The following CTTNBP2 variants were observed in gnomAD, a reference collection of about 807,000 sequenced individuals.
CTTNBP2 encodes cortactin-binding protein 2.
CTTNBP2 carries 108 observed loss-of-function variants against 156.9 expected under a neutral mutation model. The observed-to-expected ratio is 0.69, with a 90% CI of 0.59 to 0.81. CTTNBP2 has a LOEUF of 0.81. CTTNBP2 is among the 30% of genes least tolerant of loss of function. The pLI is 0.00. For missense variants in CTTNBP2, 1,924 were observed against 2,035.4 expected (o/e 0.95, Z 1.05); for synonymous variants, 767 against 751.8 (o/e 1.02, Z -0.33).
In CTTNBP2 at chr7:117,760,680, A is replaced by G; in HGVS notation, c.2927T>C (p.Val976Ala). The change falls in exon 10 of 23, where the codon GTG (valine) becomes GCG (alanine). Residue 976 changes from valine (V) to alanine (A), a missense_variant. Val to Ala is a moderately conservative substitution (Grantham distance 64). Transcript: ENST00000160373. ...ATAGTTGCTTGGTTCAATCTCACCCACTGAAATCCTTAAGGGTATTTTAAG... is the reference window on the plus strand; with the variant it reads ...ATAGTTGCTTGGTTCAATCTCACCCGCTGAAATCCTTAAGGGTATTTTAAG... ...NALKIPLRIS[V>A]GEIEPSNYGS... The G allele has an allele frequency of 6.2e-7, 1 of 1,612,832 alleles. No homozygotes were observed. The highest frequency in any genetic ancestry group is 8.5e-7 in the Non-Finnish European group (1 of 1,178,996).
chr7:117,817,333 CAAAAA>C (rs1165563266), intron 2 of CTTNBP2, among the ~76,000 whole-genome samples: 2,543 of 27,246 alleles, frequency 0.093, 631 homozygotes, highest in Middle Eastern at 0.27. Flanking sequence ...GACTCCATCT[CAAAAA>C]AAAAAAAAAA....
chr7:117,873,240 C>CA, intron 1 of CTTNBP2, 95 bp downstream of exon 1: 1 of 987,098 alleles, frequency 1.0e-6, no homozygotes, highest in East Asian at 3.4e-5. Flanking sequence ...TTACGGAACG[C>CA]CCCGGGGGTG....
rs781577105 is a variant in CTTNBP2 at position 117,721,162 on chromosome 7, CATT to C, written c.4448-35_4448-33del. The C allele has an allele frequency of 2.4e-6, 3 of 1,256,190 alleles. No individual in the cohort carries two copies. In the Admixed American group the frequency reaches 5.1e-5, roughly 21 times the overall value. 77.8% of individuals were successfully genotyped at this position (1,256,190 alleles called of 1,614,324 possible). A position where few individuals can be genotyped will look rare whatever the true frequency, so the allele number is the denominator to read the frequency against. ...AAAAAGAGAACCATTTTCAATAGATCATTATCCCTGTGCCTCTTGAATTCTGTA... is the reference window on the plus strand; with the variant it reads ...AAAAAGAGAACCATTTTCAATAGATCATCCCTGTGCCTCTTGAATTCTGTA... On this transcript the variant is annotated intron_variant, in intron 19 of 22. Transcript: ENST00000160373.
rs748483230 is a variant in CTTNBP2, at chr7:117,745,981, A to G, written c.3435+32T>C. 57 of 1,611,860 alleles carry G rather than the reference A, an allele frequency of 3.5e-5. 3 individuals are homozygous for G. The South Asian group carries it at 6.0e-4, about 17-fold the overall frequency. On this transcript the variant is annotated intron_variant, in intron 13 of 22. Transcript: ENST00000160373. ...GTTCTACGCACTTGCCAATTTTCAA[A>G]GAAAAGCAGCTGATATACAAGTAAT... is the stretch of plus-strand genomic sequence containing the variant.
chr7:117,866,892 C>T (rs1804236839), intron 1 of CTTNBP2, among the ~76,000 whole-genome samples: 1 of 152,008 alleles, frequency 6.6e-6, no homozygotes, highest in African/African-American at 2.4e-5. Context: ...TAGTGCATGC[C>T]AATAATAATG....
chr7:117,851,995 C>A (rs1009404467), intron 2 of CTTNBP2, among the ~76,000 whole-genome samples: 4 of 152,118 alleles, frequency 2.6e-5, no homozygotes. Context: ...TAATCTAAAA[C>A]TAGATTCTGT....
At chr7:117,756,470 C>G (rs1403929758) in intron 12 of CTTNBP2, 85 bp downstream of exon 12, 27 of 1,029,516 alleles carry the variant, frequency 2.6e-5, no homozygotes, top group Non-Finnish European at 4.0e-5. Flanking sequence ...GCTTGCACTC[C>G]TCCTTTAAAC....
intron 1 of CTTNBP2, among the ~76,000 whole-genome samples, chr7:117,865,082 G>A (rs1472652814): frequency 1.3e-5 from 2 of 150,800 alleles, no homozygotes; most frequent in East Asian, 1.9e-4. Flanking sequence ...AGAGCCAAAC[G>A]AACTATTTTA....
At chr7:117,770,796 G>C (rs1797758542) in intron 8 of CTTNBP2, among the ~76,000 whole-genome samples, 1 of 152,122 alleles carries the variant, frequency 6.6e-6, no homozygotes, top group African/African-American at 2.4e-5. Flanking sequence ...TTGTTGAATG[G>C]GATTGTGTGA....
chr7:117,734,882 C>T (rs1562960826), intron 16 of CTTNBP2, 31 bp downstream of exon 16: 5 of 1,539,872 alleles, frequency 3.2e-6, no homozygotes, highest in Non-Finnish European at 4.4e-6. Flanking sequence ...CCCTGCTCTC[C>T]TGGCAACAGG....
rs567587884 is a variant in CTTNBP2 at position 117,718,844 on chromosome 7, C to T, written c.4644+660G>A. Among the ~76,000 whole-genome samples the T allele has an allele frequency of 2.0e-5, 3 of 152,154 alleles. 1 individual carries two copies. In the South Asian group the frequency reaches 6.2e-4, roughly 32 times the overall value. On this transcript the variant is annotated intron_variant, in intron 21 of 22. Coordinates refer to ENST00000160373, the MANE Select transcript of CTTNBP2 (RefSeq NM_033427.3). ...TCTTACTGATAGATGACTGATATGC[C>T]AAAGTTAGGAATGTGGAAAGGAAAA...
intron 2 of CTTNBP2, among the ~76,000 whole-genome samples, chr7:117,853,754 G>A (rs1277969677): frequency 6.6e-6 from 1 of 152,122 alleles, no homozygotes; most frequent in African/African-American, 2.4e-5. Context: ...GCTGCGAAAA[G>A]CCTCATCTTT....
intron 2 of CTTNBP2, among the ~76,000 whole-genome samples, chr7:117,854,409 G>A (rs2117209005): frequency 6.6e-6 from 1 of 152,228 alleles, no homozygotes; most frequent in East Asian, 1.9e-4. Flanking sequence ...TGTCATATGA[G>A]GAAAACATTC....
intron 9 of CTTNBP2, among the ~76,000 whole-genome samples, chr7:117,764,832 T>G (rs1308615909): frequency 6.6e-6 from 1 of 152,210 alleles, no homozygotes; most frequent in African/African-American, 2.4e-5. Flanking sequence ...CATGCAAGAG[T>G]ACTTCTAGCT....
intron 8 of CTTNBP2, among the ~76,000 whole-genome samples, chr7:117,773,978 T>C (rs1797958004): frequency 6.6e-6 from 1 of 152,132 alleles, no homozygotes; most frequent in Non-Finnish European, 1.5e-5. Context: ...GTATATGAAC[T>C]TCAACAACAG....
At chr7:117,827,609 C>T (rs961917622) in intron 2 of CTTNBP2, among the ~76,000 whole-genome samples, 9 of 152,036 alleles carry the variant, frequency 5.9e-5, no homozygotes, top group African/African-American at 1.4e-4. Context: ...TTCAATATTT[C>T]GGGGAGAATG....
intron 22 of CTTNBP2, chr7:117,713,937 GGGAAA>G (rs1794196977): frequency 6.6e-6 from 1 of 152,182 alleles, no homozygotes; most frequent in African/African-American, 2.4e-5. Context: ...TGCATTTACA[GGGAAA>G]GGAAAGAGAA....
chr7:117,715,149 GAAC>G (rs374602401), intron 22 of CTTNBP2, among the ~76,000 whole-genome samples: 88 of 152,224 alleles, frequency 5.8e-4, no homozygotes, highest in African/African-American at 2.1e-3. Context: ...AGGAGGAAAA[GAAC>G]AACATGTAGG....
Position 117,759,164 on chromosome 7 carries a change from A to G in CTTNBP2, c.3173-1194T>C, listed in dbSNP as rs566805334. Among the ~76,000 whole-genome samples the G allele has an allele frequency of 1.4e-3, 217 of 152,224 alleles. 3 individuals carry two copies. In the South Asian group the frequency reaches 0.015, roughly 11 times the overall value. On this transcript the variant is annotated intron_variant, in intron 10 of 22. Coordinates refer to ENST00000160373, the MANE Select transcript of CTTNBP2 (RefSeq NM_033427.3). ...GTCTTTGTGGCTCAGGCTGGAGTGC[A>G]GTGGCTTCATCATAGCTCATTGCTG... is the stretch of plus-strand genomic sequence containing the variant.
Sources: gnomAD v4.1 joint callset for allele counts (sites outside exome capture counted in the v4.1 genomes callset) on GRCh38, gnomAD v4.1.1 for gene constraint, MANE v1.5 for transcripts, NCBI Gene and HGNC (gene_info 2026-07-23, HGNC 2026-07-21) for gene names.